Variants in ODAD2 observed in about 807,000 individuals in gnomAD.
ODAD2 encodes the protein outer dynein arm-docking complex subunit 2.
A neutral mutation model predicts 106.8 loss-of-function variants in ODAD2; 89 were observed. The ratio of observed to expected loss-of-function variants is 0.83; its 90% CI spans 0.70 to 0.99. The LOEUF is 0.99. ODAD2 is among the 50% of genes least tolerant of loss of function. ODAD2 has a pLI of 0.00. For synonymous variants in ODAD2, 404 were observed against 436.2 expected (o/e 0.93, Z 0.92); for missense variants, 1,168 against 1,238.5 (o/e 0.94, Z 0.85).
In ODAD2 at chr10:27,905,460, A is replaced by C. The variant is rs1055395766; in HGVS notation, c.2610+2203T>G. ...TACTGCCCAAAGTAATTTATAGATT[A>C]AATGCTATCCCTATCAAGCTACCAC... On this transcript the variant is annotated intron_variant, in intron 17 of 19. Transcript: ENST00000305242. 4.6e-5 allele frequency among the ~76,000 whole-genome samples: 7 copies of C among 152,146 alleles called. No homozygotes were observed. In the East Asian group the frequency reaches 1.2e-3, roughly 25 times the overall value.
chr10:27,929,798 G>C (rs546421570), intron 16 of ODAD2, among the ~76,000 whole-genome samples: 2 of 152,238 alleles, frequency 1.3e-5, no homozygotes, highest in Non-Finnish European at 2.9e-5. Flanking sequence ...CCAATGGTTT[G>C]CTTCTTTTGC....
chr10:27,823,858 A>AATAAGTTCTTATTCAAATTACT (rs1589754562), intron 19 of ODAD2, among the ~76,000 whole-genome samples: 5 of 147,324 alleles, frequency 3.4e-5, no homozygotes, highest in South Asian at 2.1e-4. Flanking sequence ...AAAATAGTTC[A>AATAAGTTCTTATTCAAATTACT]GGCCGGGCGC....
chr10:27,915,218 A>T (rs1347525564), intron 16 of ODAD2, among the ~76,000 whole-genome samples: 2 of 152,156 alleles, frequency 1.3e-5, no homozygotes, highest in African/African-American at 4.8e-5. Context: ...CCAAAGAAAA[A>T]AAATGCATAC....
At chr10:27,915,182 A>G (rs1844274915) in intron 16 of ODAD2, among the ~76,000 whole-genome samples, 2 of 152,182 alleles carry the variant, frequency 1.3e-5, no homozygotes, top group South Asian at 4.1e-4. Context: ...TGAAACCCAA[A>G]GGTAAAAAGC....
intron 17 of ODAD2, among the ~76,000 whole-genome samples, chr10:27,887,001 C>T (rs1324105441): frequency 2.0e-5 from 3 of 151,730 alleles, no homozygotes; most frequent in Non-Finnish European, 4.4e-5. Context: ...AAGCACAAAA[C>T]AGCAAAAATA....
intron 16 of ODAD2, among the ~76,000 whole-genome samples, chr10:27,908,222 G>T (rs1409758136): frequency 2.6e-5 from 4 of 152,086 alleles, no homozygotes; most frequent in African/African-American, 9.7e-5. Flanking sequence ...AATGCTTTCA[G>T]TCCTAATCTA....
chr10:27,914,996 CAGAG>C (rs987363787), intron 16 of ODAD2, among the ~76,000 whole-genome samples: 1 of 151,852 alleles, frequency 6.6e-6, no homozygotes, highest in Non-Finnish European at 1.5e-5. Flanking sequence ...AAGAAGAAGA[CAGAG>C]AGAGAATGGG....
intron 17 of ODAD2, among the ~76,000 whole-genome samples, chr10:27,895,217 A>G (rs890509230): frequency 2.0e-5 from 3 of 152,170 alleles, no homozygotes; most frequent in African/African-American, 7.2e-5. Flanking sequence ...ATGGCTTACA[A>G]AAACAACTCT....
intron 17 of ODAD2, among the ~76,000 whole-genome samples, chr10:27,900,689 C>T (rs765631471): frequency 1.8e-4 from 27 of 152,012 alleles, no homozygotes; most frequent in Middle Eastern, 3.2e-3. Context: ...ATAGCTGAAT[C>T]GATCAGGCGG....
chr10:27,939,889 C>T lies in ODAD2; in HGVS notation c.2097+8G>A, dbSNP rs1230634603. On this transcript the variant is annotated splice_region_variant and intron_variant, in intron 14 of 19. Coordinates refer to ENST00000305242, the MANE Select transcript of ODAD2 (RefSeq NM_018076.5). ...AACGCCAACAACCGCTGGGAGAGTT[C>T]ACTGCACCTGGTAAATGGCCATGGC... The T allele has an allele frequency of 1.1e-5, 18 of 1,570,658 alleles. No individual in the cohort carries two copies. The highest frequency in any genetic ancestry group is 1.4e-5 in the Non-Finnish European group (16 of 1,153,076).
intron 11 of ODAD2, 88 bp from the exon 12 acceptor site, chr10:27,944,519 G>A (rs939224310): frequency 2.5e-5 from 31 of 1,233,688 alleles, no homozygotes; most frequent in Non-Finnish European, 3.6e-5. Context: ...TCCTTCCCCA[G>A]TTAAGTTTTT....
chr10:27,940,517 G>T (rs779909405), intron 13 of ODAD2, 46 bp downstream of exon 13: 2 of 1,602,950 alleles, frequency 1.2e-6, no homozygotes, highest in Non-Finnish European at 1.7e-6. Flanking sequence ...TTGGACTAAA[G>T]AAAGTCAAGT....
At chr10:27,911,400 G>A (rs1337624920) in intron 16 of ODAD2, among the ~76,000 whole-genome samples, 1 of 152,200 alleles carries the variant, frequency 6.6e-6, no homozygotes, top group East Asian at 1.9e-4. Context: ...AAAGTTTAGA[G>A]ACTGTATGAA....
chr10:27,872,904 T>C (rs779807117), intron 17 of ODAD2, among the ~76,000 whole-genome samples: 1 of 152,198 alleles, frequency 6.6e-6, no homozygotes, highest in Non-Finnish European at 1.5e-5. Context: ...TCTTTTTCTA[T>C]TGATTGGAAT....
chr10:27,881,175 T>A (rs1017978244), intron 17 of ODAD2, among the ~76,000 whole-genome samples: 3 of 152,228 alleles, frequency 2.0e-5, no homozygotes, highest in Admixed American at 6.5e-5. Flanking sequence ...AATACTGTTT[T>A]TTATTATTAT....
chr10:27,923,806 G>C (rs1844961832), intron 16 of ODAD2, among the ~76,000 whole-genome samples: 1 of 151,750 alleles, frequency 6.6e-6, no homozygotes, highest in South Asian at 2.1e-4. Flanking sequence ...GAAATTAGCT[G>C]GATGTGGAGG....
chr10:27,837,564 A>G (rs1375406414), intron 19 of ODAD2, among the ~76,000 whole-genome samples: 1 of 152,240 alleles, frequency 6.6e-6, no homozygotes, highest in Non-Finnish European at 1.5e-5. Flanking sequence ...AGGTATAAAT[A>G]CAGACTAAGG....
intron 16 of ODAD2, among the ~76,000 whole-genome samples, chr10:27,920,548 A>G (rs576189985): frequency 7.4e-4 from 112 of 152,334 alleles, no homozygotes; most frequent in African/African-American, 2.3e-3. Flanking sequence ...GGAAGATTAA[A>G]TGATTCACAT....
chr10:27,830,349 T>C (rs1336858096), intron 19 of ODAD2, among the ~76,000 whole-genome samples: 1 of 152,204 alleles, frequency 6.6e-6, no homozygotes, highest in Admixed American at 6.5e-5. Flanking sequence ...CCCAAACCAC[T>C]GCACCATAGT....
Sources: allele counts gnomAD v4.1 joint callset (sites outside exome capture counted in the v4.1 genomes callset), GRCh38; gene constraint gnomAD v4.1.1; transcripts MANE v1.5; gene names NCBI Gene and HGNC (gene_info 2026-07-23, HGNC 2026-07-21).